The following SON variants were observed in gnomAD, a reference collection of about 807,000 sequenced individuals.
SON encodes the protein SON DNA and RNA binding protein, also known as protein SON.
SON carries 4 observed loss-of-function variants against 173.3 expected under a neutral mutation model. The observed-to-expected ratio is 0.02, with a 90% CI of 0.01 to 0.05. The LOEUF (loss-of-function observed/expected upper bound fraction) is 0.05. Ranked by LOEUF, SON falls within the 10% of genes least tolerant of loss-of-function variation. The pLI, the probability that SON is intolerant of heterozygous loss-of-function variation, is 1.00. For missense variants in SON, 2,626 were observed against 3,055.3 expected (o/e 0.86, Z 3.31); for synonymous variants, 1,190 against 1,105.9 (o/e 1.08, Z -1.51).
At chr21:33,562,613 C>T (rs1015279415) in intron 6 of SON, among the ~76,000 whole-genome samples, 1 of 152,168 alleles carries the variant, frequency 6.6e-6, no homozygotes, top group African/African-American at 2.4e-5. Flanking sequence ...AAAAACAACT[C>T]ATCAGACTGT....
intron 1 of SON, among the ~76,000 whole-genome samples, chr21:33,544,380 C>T (rs1383714727): frequency 1.3e-5 from 2 of 152,202 alleles, no homozygotes; most frequent in East Asian, 3.8e-4. Flanking sequence ...TGACAAATCT[C>T]TGGCTGCAAT....
In SON at chr21:33,553,197, C is replaced by T. The variant is rs774982371; in HGVS notation, c.3966C>T (p.Ala1322=). The T allele has an allele frequency of 6.8e-6, 11 of 1,614,144 alleles. No individual in the cohort carries two copies. The highest frequency in any genetic ancestry group is 1.1e-5 in the South Asian group (1 of 91,086). Residue 1322 remains alanine (A), a synonymous_variant, in exon 3 of 12, where the codon GCC becomes GCT. Coordinates refer to ENST00000356577, the MANE Select transcript of SON (RefSeq NM_138927.4). ...FDSMRASGHV[A]SEVSTSLLVP... is the part of the protein sequence containing the mutation. Reference sequence around the variant, plus strand: ...CCATGAGAGCCTCAGGACATGTTGCCTCAGAAGTATCTACATCCTTGTTGG... The same window carrying T: ...CCATGAGAGCCTCAGGACATGTTGCTTCAGAAGTATCTACATCCTTGTTGG...
rs200905064 is a variant in SON at position 33,553,003 on chromosome 21, T to G, written c.3772T>G (p.Ser1258Ala). 8 of 1,614,058 alleles carry G rather than the reference T, an allele frequency of 5.0e-6. No homozygotes were observed. Among genetic ancestry groups the G allele is most frequent in the Non-Finnish European group, 6.8e-6 (8 of 1,180,034 alleles). Residue 1258 changes from serine (S) to alanine (A), a missense_variant, in exon 3 of 12, where the codon TCA becomes GCA. This residue lies in a region of SON where 1,006 missense variants were observed against 895.6 expected (regional missense o/e 1.12). Coordinates refer to ENST00000356577, the MANE Select transcript of SON (RefSeq NM_138927.4). ...AGAACCACCACCAGAGCCAGAATCTTCAATTACGTTAACACCTGTAGAGTC... is the reference window on the plus strand; with the variant it reads ...AGAACCACCACCAGAGCCAGAATCTGCAATTACGTTAACACCTGTAGAGTC... ...VPEPPPEPES[S>A]ITLTPVESAV...
In SON at chr21:33,550,800, A is replaced by G; in HGVS notation, c.1569A>G (p.Glu523=). The change falls in exon 3 of 12, where the codon GAA becomes GAG. Residue 523 remains glutamate (E), a synonymous_variant. Transcript: ENST00000356577. ...AGCCTGTGGGGATGACAACGGTGGA[A>G]CATCCTGGGCATCCTGAGGTGACAA... is the stretch of plus-strand genomic sequence containing the variant. ...LEQPVGMTTV[E]HPGHPEVTTA... The G allele has an allele frequency of 6.2e-7, 1 of 1,614,108 alleles. No homozygotes were observed. The highest frequency in any genetic ancestry group is 8.5e-7 in the Non-Finnish European group (1 of 1,179,980).
intron 1 of SON, 81 bp from the exon 2 acceptor site, chr21:33,546,130 CAT>C (rs57788567): frequency 8.5e-7 from 1 of 1,175,664 alleles, no homozygotes; most frequent in African/African-American, 1.6e-5. Flanking sequence ...GTCAGTACAA[CAT>C]ATGATTATTG....
In SON at chr21:33,554,370, A is replaced by G. The variant is rs755854646; in HGVS notation, c.5139A>G (p.Lys1713=). The change falls in exon 3 of 12, where the codon AAA becomes AAG. Residue 1713 remains lysine (K), a synonymous_variant. Coordinates refer to ENST00000356577, the MANE Select transcript of SON (RefSeq NM_138927.4). ...AAAAAGAAGTACCTCCCCCTCCTAA[A>G]GAGACACTGCCTGATTCAGGATTTT... ...GGEKEVPPPP[K]ETLPDSGFSA... 1.2e-6 allele frequency: 2 copies of G among 1,614,192 alleles called. No homozygotes were observed. The highest frequency in any genetic ancestry group is 1.7e-6 in the Non-Finnish European group (2 of 1,180,028).
chr21:33,554,418 T>C lies in SON; in HGVS notation c.5187T>C (p.Asn1729=). 6.2e-7 allele frequency: 1 copy of C among 1,614,204 alleles called. No homozygotes were observed. Among genetic ancestry groups the C allele is most frequent in the South Asian group, 1.1e-5 (1 of 91,086 alleles). The change falls in exon 3 of 12, where the codon AAT becomes AAC. Residue 1729 remains asparagine (N), a synonymous_variant. Coordinates refer to ENST00000356577, the MANE Select transcript of SON (RefSeq NM_138927.4). The stretch of plus-strand genomic sequence containing the variant: ...TTTCTGCCAATATTGAGGATATTAA[T>C]GAAGCAGATTTAGTGAGACCGTTAC... ...SGFSANIEDI[N]EADLVRPLLP... is the part of the protein sequence containing the mutation.
Position 33,551,831 on chromosome 21 carries a change from C to T in SON, c.2600C>T (p.Ala867Val), listed in dbSNP as rs1211373634. 4.3e-6 allele frequency: 7 copies of T among 1,613,734 alleles called. No individual in the cohort carries two copies. Among genetic ancestry groups the T allele is most frequent in the Non-Finnish European group, 8.5e-7 (1 of 1,180,028 alleles). ...AGCTCAATGGATTCCCAGATGTTAG[C>T]ATCTGGCACTATGGACTCTCAAATG... ...ATSSMDSQML[A>V]SGTMDSQMLA... is the part of the protein sequence containing the mutation. Residue 867 changes from alanine to valine, a missense_variant, in exon 3 of 12, where the codon GCA (alanine) becomes GTA (valine). Physicochemically the swap from Ala to Val is moderately conservative, Grantham distance 64. This residue lies in a region of SON where 366 missense variants were observed against 448.6 expected (regional missense o/e 0.82). Transcript: ENST00000356577.
chr21:33,569,242 A>G, intron 8 of SON, 155 bp downstream of exon 8: 1 of 558,972 alleles, frequency 1.8e-6, no homozygotes, highest in South Asian at 2.4e-5. Flanking sequence ...CTGAAGACGG[A>G]CTGGATTCAT....
intron 1 of SON, among the ~76,000 whole-genome samples, chr21:33,544,315 T>C (rs1468570142): frequency 6.6e-6 from 1 of 152,204 alleles, no homozygotes; most frequent in Non-Finnish European, 1.5e-5. Context: ...TTTTGTGATA[T>C]TGCTAGTAGT....
Position 33,559,403 on chromosome 21 carries a change from A to G in SON, c.6468+27A>G, listed in dbSNP as rs754152686. The stretch of plus-strand genomic sequence containing the variant: ...TGAGTATTAGTGCTTATGGATTGGT[A>G]AAACAGTGTAACTTGTGGAACTATT... On this transcript the variant is annotated intron_variant, in intron 5 of 11. Transcript: ENST00000356577. This position sits in a 1 kb window ranked among gnomAD's most constrained non-coding sequence, Gnocchi z 4.1. 1.9e-6 allele frequency: 3 copies of G among 1,574,930 alleles called. No individual in the cohort carries two copies. The highest frequency in any genetic ancestry group is 2.6e-6 in the Non-Finnish European group (3 of 1,164,858).
At position 33,552,967 on chromosome 21, in the gene SON, G is replaced by C. The variant is rs1420849134; in HGVS notation, c.3736G>C (p.Val1246Leu). 1 of 1,614,204 alleles carries C rather than the reference G, an allele frequency of 6.2e-7. No individual in the cohort carries two copies. The highest frequency in any genetic ancestry group is 8.5e-7 in the Non-Finnish European group (1 of 1,180,020). Residue 1246 changes from valine to leucine, a missense_variant, in exon 3 of 12, where the codon GTG (valine) becomes CTG (leucine). Physicochemically the swap from Val to Leu is conservative, Grantham distance 32. Coordinates refer to ENST00000356577, the MANE Select transcript of SON (RefSeq NM_138927.4). The surrounding 1 kb of genome is among the most constrained non-coding windows in gnomAD (Gnocchi z 5.6). ...DPSVLVSEAA[V>L]TVPEPPPEPE... Reference sequence around the variant, plus strand: ...CTCAGTTTTAGTATCAGAGGCTGCTGTGACTGTTCCAGAACCACCACCAGA... The same window carrying C: ...CTCAGTTTTAGTATCAGAGGCTGCTCTGACTGTTCCAGAACCACCACCAGA...
At chr21:33,573,164 ATAAAG>A (rs2086324864) in intron 8 of SON, 139 bp from the exon 9 acceptor site, 6 of 637,086 alleles carry the variant, frequency 9.4e-6, no homozygotes, top group Middle Eastern at 4.4e-4. Flanking sequence ...TACAGTATGT[ATAAAG>A]TATAGAGGAA....
In SON at chr21:33,553,019, C is replaced by A; in HGVS notation, c.3788C>A (p.Pro1263His). 6.2e-7 allele frequency: 1 copy of A among 1,614,138 alleles called. No homozygotes were observed. Among genetic ancestry groups the A allele is most frequent in the East Asian group, 2.2e-5 (1 of 44,878 alleles). Residue 1263 changes from proline (P) to histidine (H), a missense_variant, in exon 3 of 12, where the codon CCT becomes CAT. Physicochemically the swap from Pro to His is moderately conservative, Grantham distance 77 (BLOSUM62 -2). Coordinates refer to ENST00000356577, the MANE Select transcript of SON (RefSeq NM_138927.4). ...PEPESSITLT[P>H]VESAVVAEEH... The stretch of plus-strand genomic sequence containing the variant: ...CCAGAATCTTCAATTACGTTAACAC[C>A]TGTAGAGTCTGCAGTAGTAGCAGAA...
chr21:33,544,259 GTTGT>G (rs1461600363), intron 1 of SON, among the ~76,000 whole-genome samples: 1 of 152,218 alleles, frequency 6.6e-6, no homozygotes, highest in African/African-American at 2.4e-5. Context: ...TGCAGAATGT[GTTGT>G]TTTTTAAGTG....
intron 2 of SON, among the ~76,000 whole-genome samples, chr21:33,549,274 C>G (rs2085696667): frequency 6.6e-6 from 1 of 152,102 alleles, no homozygotes; most frequent in Admixed American, 6.5e-5. Flanking sequence ...GGGGTTTCAC[C>G]ATGCTGGCCA....
rs1212312985 is a variant in SON at position 33,550,128 on chromosome 21, G to A, written c.897G>A (p.Val299=). The change falls in exon 3 of 12, where the codon GTG becomes GTA. Residue 299 remains valine (V), a synonymous_variant. Transcript: ENST00000356577. ...TGGTAGAGCCCCCAGTAGCAAAAGT[G>A]TTAGAGCCTTCAGAAACCCTTGTGG... is the stretch of plus-strand genomic sequence containing the variant. The part of the protein sequence containing the change: ...IMLVEPPVAK[V]LEPSETLVVS... 1 of 1,614,176 alleles carries A rather than the reference G, an allele frequency of 6.2e-7. No homozygotes were observed. The highest frequency in any genetic ancestry group is 8.5e-7 in the Non-Finnish European group (1 of 1,180,052).
intron 8 of SON, 59 bp from the exon 9 acceptor site, chr21:33,573,249 A>G: frequency 7.2e-7 from 1 of 1,383,262 alleles, no homozygotes; most frequent in Admixed American, 2.1e-5. Flanking sequence ...TAAACAATGA[A>G]TCTGTCACCA....
Position 33,567,459 on chromosome 21 carries a change from T to G in SON, c.6768+192T>G, listed in dbSNP as rs1317608797. On this transcript the variant is annotated intron_variant, in intron 7 of 11. Transcript: ENST00000356577. Reference sequence around the variant, plus strand: ...GATCATTTATTCAATAAATGTTTATTGTTTACTATGTGGCAGGAACTGTTT... The same window carrying G: ...GATCATTTATTCAATAAATGTTTATGGTTTACTATGTGGCAGGAACTGTTT... 3 of 572,960 alleles carry G rather than the reference T, an allele frequency of 5.2e-6. No individual in the cohort carries two copies. The African/African-American group carries it at 5.6e-5, about 11-fold the overall frequency. 35.5% of individuals were successfully genotyped at this position (572,960 alleles called of 1,614,324 possible).
Sources: allele counts gnomAD v4.1 joint callset (sites outside exome capture counted in the v4.1 genomes callset), GRCh38; gene constraint gnomAD v4.1.1; regional missense constraint gnomAD v4.1.1; non-coding constraint Gnocchi (gnomAD v3.1); transcripts MANE v1.5; gene names NCBI Gene and HGNC (gene_info 2026-07-23, HGNC 2026-07-21).